Variants in PLEKHG1 observed in about 807,000 individuals in gnomAD.
PLEKHG1 encodes pleckstrin homology and RhoGEF domain containing G1, also known as pleckstrin homology domain-containing family G member 1.
In PLEKHG1, 44 loss-of-function variants were observed where a neutral mutation model predicts 100.8. That is an observed-to-expected ratio of 0.44 (90% CI 0.34 to 0.56). The LOEUF is 0.56. PLEKHG1 is among the 20% of genes least tolerant of loss of function. The pLI is 0.01. For missense variants in PLEKHG1, 1,545 were observed against 1,720.9 expected, an observed-to-expected ratio of 0.90 and a Z score of 1.81; for synonymous variants, 640 against 662.5, an observed-to-expected ratio of 0.97 and a Z score of 0.52.
chr6:150,800,913 T>G (rs753414139), intron 6 of PLEKHG1, 44 bp downstream of exon 7: 1 of 1,540,436 alleles, frequency 6.5e-7, no homozygotes, highest in Non-Finnish European at 9.0e-7. Context: ...GGATGGGAGT[T>G]TTGTGTGTAT....
intron 3 of PLEKHG1, among the ~76,000 whole-genome samples, chr6:150,695,756 CATT>C (rs1050003943): frequency 1.5e-4 from 23 of 152,234 alleles, no homozygotes; most frequent in South Asian, 4.1e-4. Flanking sequence ...CCCAAATGGA[CATT>C]ATTATTGTTT....
intron 2 of PLEKHG1, among the ~76,000 whole-genome samples, chr6:150,646,516 A>G (rs1216562691): frequency 6.6e-6 from 1 of 152,224 alleles, no homozygotes; most frequent in Non-Finnish European, 1.5e-5. Context: ...CAAAACCAAC[A>G]GATGATGTTA....
intron 3 of PLEKHG1, among the ~76,000 whole-genome samples, chr6:150,655,399 T>C (rs947685193): frequency 6.6e-6 from 1 of 152,094 alleles, no homozygotes; most frequent in African/African-American, 2.4e-5. Flanking sequence ...CCATCAGTGA[T>C]AGACTGGATA....
At chr6:150,778,660 GA>G (rs1404595133) in intron 3 of PLEKHG1, among the ~76,000 whole-genome samples, 1 of 152,076 alleles carries the variant, frequency 6.6e-6, no homozygotes, top group African/African-American at 2.4e-5. Context: ...AAACACATGG[GA>G]CAGGGCCTTT....
intron 15 of PLEKHG1, 58 bp downstream of exon 16, chr6:150,832,263 A>G (rs928847022): frequency 1.4e-6 from 2 of 1,387,908 alleles, no homozygotes; most frequent in African/African-American, 1.4e-5. Context: ...CGGTTTTCAG[A>G]TTTCAGATGT....
intron 15 of PLEKHG1, among the ~76,000 whole-genome samples, chr6:150,838,057 A>T (rs1777322290): frequency 1.3e-5 from 2 of 152,236 alleles, no homozygotes; most frequent in African/African-American, 4.8e-5. Context: ...ACACAATAAC[A>T]GGTTGTTTCT....
intron 3 of PLEKHG1, among the ~76,000 whole-genome samples, chr6:150,688,007 G>A (rs1780202300): frequency 6.6e-6 from 1 of 152,152 alleles, no homozygotes; most frequent in Non-Finnish European, 1.5e-5. Flanking sequence ...TTTGAAAATA[G>A]CCTGATAAGT....
chr6:150,787,810 T>G (rs937956519), intron 4 of PLEKHG1, among the ~76,000 whole-genome samples: 2 of 152,116 alleles, frequency 1.3e-5, no homozygotes, highest in African/African-American at 2.4e-5. Context: ...TCTCCTGACT[T>G]TGTGTGTGTG....
intron 1 of PLEKHG1, among the ~76,000 whole-genome samples, chr6:150,613,691 C>T (rs985157701): frequency 6.6e-6 from 1 of 152,158 alleles, no homozygotes; most frequent in African/African-American, 2.4e-5. Context: ...CCTCAGAGTC[C>T]GCTCTCCAGC....
chr6:150,654,155 G>T (rs764354932), intron 3 of PLEKHG1, among the ~76,000 whole-genome samples: 1 of 152,192 alleles, frequency 6.6e-6, no homozygotes, highest in Non-Finnish European at 1.5e-5. Context: ...AGGACTGCCC[G>T]GGCGGCAGAA....
intron 3 of PLEKHG1, among the ~76,000 whole-genome samples, chr6:150,786,073 G>A (rs1785605932): frequency 6.6e-6 from 1 of 151,348 alleles, no homozygotes; most frequent in Non-Finnish European, 1.5e-5. Context: ...TGGTACCTAG[G>A]CAGCTATTTG....
At chr6:150,827,518 C>T (rs1412276460) in intron 14 of PLEKHG1, 6 of 521,118 alleles carry the variant, frequency 1.2e-5, no homozygotes, top group Non-Finnish European at 2.1e-5. Context: ...TCAGGTGATT[C>T]GCCCGCCTCT....
intron 3 of PLEKHG1, among the ~76,000 whole-genome samples, chr6:150,681,594 G>C (rs1779935344): frequency 6.6e-6 from 1 of 150,954 alleles, no homozygotes; most frequent in Non-Finnish European, 1.5e-5. Context: ...CATGTTCTTT[G>C]TATTGAGAAT....
In PLEKHG1 at chr6:150,818,168, C is replaced by T. The variant is rs1269659572; in HGVS notation, c.1279-15C>T. 1 of 1,597,804 alleles carries T rather than the reference C, an allele frequency of 6.3e-7. No homozygotes were observed. Among genetic ancestry groups the T allele is most frequent in the Non-Finnish European group, 8.6e-7 (1 of 1,166,466 alleles). ...AAAAGCAATTGGAATTACAGCTCTACTTTCTCTCTTTCAGGCCAAGCAAGC... is the reference window on the plus strand; with the variant it reads ...AAAAGCAATTGGAATTACAGCTCTATTTTCTCTCTTTCAGGCCAAGCAAGC... On this transcript the variant is annotated splice_polypyrimidine_tract_variant and intron_variant, in intron 10 of 15. Transcript: ENST00000358517.
exon 16 of PLEKHG1, chr6:150,842,666 A>G (rs1040097787): frequency 1.3e-5 from 2 of 152,188 alleles, no homozygotes; most frequent in South Asian, 2.1e-4. Context: ...CCAAGATGAA[A>G]TGATCAAAAA....
At chr6:150,732,110 C>T (rs533828199) in intron 1 of PLEKHG1, among the ~76,000 whole-genome samples, 8 of 152,014 alleles carry the variant, frequency 5.3e-5, no homozygotes, top group South Asian at 2.1e-4. Context: ...TACAGGCACC[C>T]GCCACCACGC....
At chr6:150,691,089 AC>A (rs1780334263) in intron 3 of PLEKHG1, among the ~76,000 whole-genome samples, 2 of 152,178 alleles carry the variant, frequency 1.3e-5, no homozygotes, top group Non-Finnish European at 2.9e-5. Flanking sequence ...GACTTCAGAA[AC>A]CTGAAATACT....
chr6:150,810,468 A>AAAAG (rs1192223943), intron 10 of PLEKHG1, among the ~76,000 whole-genome samples: 6 of 132,968 alleles, frequency 4.5e-5, no homozygotes, highest in Admixed American at 2.2e-4. Context: ...TGTCTCAAAA[A>AAAAG]AAAGAAAGAA....
At chr6:150,789,983 G>C (rs1457176030) in intron 4 of PLEKHG1, among the ~76,000 whole-genome samples, 1 of 152,054 alleles carries the variant, frequency 6.6e-6, no homozygotes, top group Non-Finnish European at 1.5e-5. Context: ...CAGGGCTGGT[G>C]GGTCTTATAC....
Sources: allele counts gnomAD v4.1 joint callset (sites outside exome capture counted in the v4.1 genomes callset), GRCh38; gene constraint gnomAD v4.1.1; transcripts MANE v1.5; gene names NCBI Gene and HGNC (gene_info 2026-07-23, HGNC 2026-07-21).